The following PDS5B variants were observed in gnomAD, a reference collection of about 807,000 sequenced individuals.
PDS5B encodes PDS5 cohesin associated factor B.
PDS5B carries 51 observed loss-of-function variants against 184.1 expected under a neutral mutation model. The observed-to-expected ratio is 0.28, with a 90% CI of 0.22 to 0.35. The LOEUF is 0.35. Ranked by LOEUF, PDS5B falls within the 10% of genes least tolerant of loss-of-function variation. The pLI is 1.00. For synonymous variants in PDS5B, 566 were observed against 569.2 expected (o/e 0.99, Z 0.08); for missense variants, 1,180 against 1,723.3 (o/e 0.68, Z 5.58).
At chr13:32,623,944 TG>T (rs1227908978) in intron 1 of PDS5B, among the ~76,000 whole-genome samples, 1 of 152,156 alleles carries the variant, frequency 6.6e-6, no homozygotes, top group Non-Finnish European at 1.5e-5. Flanking sequence ...CCTGAGTAGC[TG>T]GGAAGACAGG....
intron 1 of PDS5B, among the ~76,000 whole-genome samples, chr13:32,624,038 TA>T (rs1278384947): frequency 0.011 from 1,596 of 149,718 alleles, 27 homozygotes; most frequent in African/African-American, 0.037. Context: ...TCCTTTTTTT[TA>T]AAAAAAAAAA....
chr13:32,728,678 TGCGATAAGCTGG>T (rs1952995306), intron 19 of PDS5B, among the ~76,000 whole-genome samples: 1 of 152,180 alleles, frequency 6.6e-6, no homozygotes, highest in African/African-American at 2.4e-5. Flanking sequence ...AATACTTCCA[TGCGATAAGCTGG>T]GCAGTAAAGC....
intron 24 of PDS5B, among the ~76,000 whole-genome samples, chr13:32,748,665 G>A (rs1357049904): frequency 1.3e-5 from 2 of 151,940 alleles, no homozygotes; most frequent in African/African-American, 4.8e-5. Context: ...ATATAATACT[G>A]AGAGTTATAA....
chr13:32,629,155 CT>C (rs1566260815), intron 1 of PDS5B, among the ~76,000 whole-genome samples: 1 of 152,166 alleles, frequency 6.6e-6, no homozygotes, highest in African/African-American at 2.4e-5. Flanking sequence ...GAGCAGCTCT[CT>C]TTTAACCTAT....
At chr13:32,628,549 A>AG (rs1464751997) in intron 1 of PDS5B, among the ~76,000 whole-genome samples, 12 of 123,480 alleles carry the variant, frequency 9.7e-5, no homozygotes, top group Non-Finnish European at 1.5e-4. Context: ...CTCCCATCTC[A>AG]GGGAAAAAAA....
At chr13:32,592,195 G>A (rs185708461) in intron 1 of PDS5B, among the ~76,000 whole-genome samples, 12 of 152,176 alleles carry the variant, frequency 7.9e-5, no homozygotes, top group Admixed American at 6.5e-4. Context: ...TTTCCTGTCA[G>A]GCATGGCAGC....
chr13:32,675,676 T>C (rs1235518433), intron 8 of PDS5B, among the ~76,000 whole-genome samples, 168 bp from the exon 9 acceptor site: 2 of 152,248 alleles, frequency 1.3e-5, no homozygotes, highest in Non-Finnish European at 2.9e-5. Flanking sequence ...ATGATGACAT[T>C]TAATTTTGTG....
At chr13:32,596,734 T>G (rs565123135) in intron 1 of PDS5B, among the ~76,000 whole-genome samples, 41 of 152,272 alleles carry the variant, frequency 2.7e-4, no homozygotes, top group Middle Eastern at 6.8e-3. Flanking sequence ...TGGATTTCCT[T>G]GATATCTAGT....
At chr13:32,635,209 T>G in intron 1 of PDS5B, among the ~76,000 whole-genome samples, 1 of 53,978 alleles carries the variant, frequency 1.9e-5, no homozygotes, top group Non-Finnish European at 3.8e-5. Context: ...TTTTTTTTTT[T>G]TTTTTTGTGG....
chr13:32,610,993 C>CT (rs368980002), intron 1 of PDS5B, among the ~76,000 whole-genome samples: 1,554 of 144,762 alleles, frequency 0.011, 32 homozygotes, highest in African/African-American at 0.036. Flanking sequence ...TTAGAGCCAT[C>CT]TTTTTTTTTT....
intron 26 of PDS5B, among the ~76,000 whole-genome samples, chr13:32,757,741 T>G (rs569183480): frequency 6.6e-6 from 1 of 152,336 alleles, no homozygotes; most frequent in East Asian, 1.9e-4. Flanking sequence ...ACTTGATCCG[T>G]GGCCCCACTA....
intron 1 of PDS5B, among the ~76,000 whole-genome samples, chr13:32,632,251 A>C (rs2140577526): frequency 6.6e-6 from 1 of 152,334 alleles, no homozygotes; most frequent in South Asian, 2.1e-4. Flanking sequence ...CCTACAGAAG[A>C]AAATATTTGC....
chr13:32,773,374 T>A, intron 34 of PDS5B, 50 bp downstream of exon 34: 1 of 1,509,052 alleles, frequency 6.6e-7, no homozygotes, highest in Non-Finnish European at 9.0e-7. Flanking sequence ...AAAGAGTTAG[T>A]AAATGTTTGG....
At chr13:32,639,773 C>G (rs2058625891) in intron 1 of PDS5B, among the ~76,000 whole-genome samples, 1 of 152,208 alleles carries the variant, frequency 6.6e-6, no homozygotes, top group Admixed American at 6.5e-5. Flanking sequence ...AGACTCTTTA[C>G]AAAATCTTAT....
chr13:32,629,369 G>A (rs925816397), intron 1 of PDS5B, among the ~76,000 whole-genome samples: 8 of 151,870 alleles, frequency 5.3e-5, no homozygotes, highest in Non-Finnish European at 1.2e-4. Flanking sequence ...TGGATACCGA[G>A]TGTTGGCTAC....
chr13:32,753,118 A>T (rs772777082), intron 24 of PDS5B, among the ~76,000 whole-genome samples: 67 of 152,178 alleles, frequency 4.4e-4, no homozygotes, highest in Non-Finnish European at 8.1e-4. Context: ...TTTGTTTTCT[A>T]ACACATCTAA....
At chr13:32,704,105 G>A (rs1340523669) in intron 17 of PDS5B, among the ~76,000 whole-genome samples, 2 of 151,526 alleles carry the variant, frequency 1.3e-5, no homozygotes, top group Non-Finnish European at 2.9e-5. Context: ...CATATTAATA[G>A]CTCTGCTTTT....
At chr13:32,651,471 C>T (rs768681653) in intron 2 of PDS5B, among the ~76,000 whole-genome samples, 12 of 152,080 alleles carry the variant, frequency 7.9e-5, no homozygotes, top group Non-Finnish European at 1.6e-4. Context: ...GGACATACTC[C>T]TTTTAGTCCA....
At chr13:32,710,638 T>A (rs1374176982) in intron 19 of PDS5B, among the ~76,000 whole-genome samples, 1 of 152,226 alleles carries the variant, frequency 6.6e-6, no homozygotes, top group Non-Finnish European at 1.5e-5. Context: ...ATCAGAAGAA[T>A]AAATCTTCAT....
Sources: allele counts gnomAD v4.1 joint callset (sites outside exome capture counted in the v4.1 genomes callset), GRCh38; gene constraint gnomAD v4.1.1; transcripts MANE v1.5; gene names NCBI Gene and HGNC (gene_info 2026-07-23, HGNC 2026-07-21).